Variants in HNF4A observed in about 807,000 individuals in gnomAD.
HNF4A encodes hepatocyte nuclear factor 4-alpha.
In HNF4A, 15 loss-of-function variants were observed where a neutral mutation model predicts 52.4. The ratio of observed to expected loss-of-function variants is 0.29; its 90% CI spans 0.19 to 0.44. The LOEUF (loss-of-function observed/expected upper bound fraction) is 0.44, where lower values mean the gene tolerates loss of function less well. HNF4A is among the 20% of genes least tolerant of loss of function. The probability of loss-of-function intolerance (pLI) is 1.00; values close to 1 mark genes in which losing one functional copy is unlikely to be tolerated. For synonymous variants in HNF4A, 280 were observed against 264.4 expected, an observed-to-expected ratio of 1.06 and a Z score of -0.57; for missense variants, 479 against 647.2, an observed-to-expected ratio of 0.74 and a Z score of 2.82.
downstream of HNF4A, chr20:44,433,141 A>G (rs1255831818): frequency 6.6e-6 from 1 of 152,092 alleles, no homozygotes; most frequent in African/African-American, 2.4e-5. Flanking sequence ...CCAAGTACTT[A>G]GTATATCGAG....
At chr20:44,365,450 G>A (rs967441211) in intron 1 of HNF4A, among the ~76,000 whole-genome samples, 4 of 151,960 alleles carry the variant, frequency 2.6e-5, no homozygotes, top group Non-Finnish European at 4.4e-5. Context: ...GATTACAGGT[G>A]TGAGCTACTG....
intron 1 of HNF4A, among the ~76,000 whole-genome samples, chr20:44,364,153 C>T (rs934110409): frequency 6.6e-6 from 1 of 152,154 alleles, no homozygotes; most frequent in Non-Finnish European, 1.5e-5. Flanking sequence ...AGCCTCTCCC[C>T]ACCCTTCAAC....
intron 1 of HNF4A, among the ~76,000 whole-genome samples, chr20:44,364,883 C>A (rs2146176093): frequency 6.6e-6 from 1 of 152,280 alleles, no homozygotes; most frequent in South Asian, 2.1e-4. Flanking sequence ...TCCAGGGACC[C>A]CTAAGGTCAC....
intron 1 of HNF4A, among the ~76,000 whole-genome samples, chr20:44,388,838 T>G (rs2063266846): frequency 6.6e-6 from 1 of 152,188 alleles, no homozygotes; most frequent in African/African-American, 2.4e-5. Flanking sequence ...GCAAAGGGTG[T>G]CAGGGCTCCC....
chr20:44,360,706 G>A (rs2062907606), intron 1 of HNF4A, among the ~76,000 whole-genome samples: 1 of 152,184 alleles, frequency 6.6e-6, no homozygotes, highest in South Asian at 2.1e-4. Context: ...CTGTTTTTAA[G>A]TGCCAGGTGA....
At chr20:44,392,080 A>T (rs926862246) in intron 1 of HNF4A, 2 of 152,148 alleles carry the variant, frequency 1.3e-5, no homozygotes, top group Non-Finnish European at 2.9e-5. Flanking sequence ...GCAACAGAGG[A>T]GGCCTGTCTT....
intron 1 of HNF4A, among the ~76,000 whole-genome samples, chr20:44,360,801 C>G (rs1640662183): frequency 6.6e-6 from 1 of 152,190 alleles, no homozygotes; most frequent in Non-Finnish European, 1.5e-5. Context: ...TTGTCGGAGA[C>G]AGTTTGGTGA....
At chr20:44,379,865 C>A (rs1172983218) in intron 1 of HNF4A, among the ~76,000 whole-genome samples, 2 of 151,682 alleles carry the variant, frequency 1.3e-5, no homozygotes, top group Admixed American at 1.3e-4. Flanking sequence ...TCCTGAGTAG[C>A]TGGGATTACA....
intron 1 of HNF4A, among the ~76,000 whole-genome samples, chr20:44,385,113 C>A (rs996776454): frequency 5.0e-5 from 5 of 99,498 alleles, no homozygotes; most frequent in Non-Finnish European, 9.5e-5. Context: ...GGAGATGAGG[C>A]AATTTGGGCT....
chr20:44,387,660 G>C (rs1182890147), intron 1 of HNF4A, among the ~76,000 whole-genome samples: 14 of 96,424 alleles, frequency 1.5e-4, no homozygotes, highest in East Asian at 3.0e-4. Flanking sequence ...GCAGGCGGGG[G>C]GGGGGGGAGG....
rs535952176 is a variant in HNF4A at position 44,362,610 on chromosome 20, C to G, written c.49+6757C>G. 3.3e-5 allele frequency among the ~76,000 whole-genome samples: 5 copies of G among 152,132 alleles called. No individual in the cohort carries two copies. In the East Asian group the frequency reaches 7.7e-4, roughly 24 times the overall value. On this transcript the variant is annotated intron_variant, in intron 1 of 9. Coordinates refer to the HNF4A transcript ENST00000316673. ...TTTGATATGTTTTCTCCCTTTTAAG[C>G]CTTGCAATAACCCATCCAAGTAGGA...
intron 7 of HNF4A, among the ~76,000 whole-genome samples, chr20:44,423,379 A>G (rs2063773723): frequency 6.6e-6 from 1 of 152,182 alleles, no homozygotes; most frequent in Non-Finnish European, 1.5e-5. Flanking sequence ...CCAAACTCAC[A>G]GTTGGATGGC....
chr20:44,409,485 G>A (rs2063550486), intron 3 of HNF4A, among the ~76,000 whole-genome samples: 2 of 152,168 alleles, frequency 1.3e-5, no homozygotes, highest in Admixed American at 6.5e-5. Flanking sequence ...CATCCAGAGG[G>A]CACTGTGTTT....
At chr20:44,426,597 A>T (rs1407430903) in intron 8 of HNF4A, among the ~76,000 whole-genome samples, 2 of 152,064 alleles carry the variant, frequency 1.3e-5, no homozygotes, top group Admixed American at 6.6e-5. Context: ...TGAGGCTAGG[A>T]GTTCAAGACC....
chr20:44,425,961 C>T (rs1020915501), intron 8 of HNF4A, among the ~76,000 whole-genome samples: 19 of 152,248 alleles, frequency 1.2e-4, no homozygotes, highest in Admixed American at 5.2e-4. Flanking sequence ...TGCCCAGCCT[C>T]ATTGTGGACT....
chr20:44,427,623 T>C (rs1318059196), intron 8 of HNF4A, among the ~76,000 whole-genome samples: 3 of 152,222 alleles, frequency 2.0e-5, no homozygotes, highest in African/African-American at 7.2e-5. Context: ...GTTACTGTGT[T>C]CCAGACAATC....
At chr20:44,380,478 G>A (rs959900550) in intron 1 of HNF4A, among the ~76,000 whole-genome samples, 2 of 151,988 alleles carry the variant, frequency 1.3e-5, no homozygotes, top group Non-Finnish European at 2.9e-5. Flanking sequence ...TTTTTCTGTA[G>A]AGACAAAGTT....
intron 1 of HNF4A, among the ~76,000 whole-genome samples, chr20:44,368,160 A>ATATATATTT (rs1200638153): frequency 3.6e-5 from 1 of 27,776 alleles, no homozygotes; most frequent in African/African-American, 1.5e-4. Flanking sequence ...ATATATATAT[A>ATATATATTT]TTTTTTTTTT....
chr20:44,364,307 C>T lies in HNF4A; in HGVS notation c.49+8454C>T, dbSNP rs188472441. ...TCCTCCCGCCTCAGCCTCCCAGCCC[C>T]TGGGATTACCTGCTCATGCCACTGC... On this transcript the variant is annotated intron_variant, in intron 1 of 9. Transcript: ENST00000316673. Among the ~76,000 whole-genome samples the T allele has an allele frequency of 4.1e-3, 629 of 152,234 alleles. 8 individuals carry two copies. The highest frequency in any genetic ancestry group is 6.1e-3 in the Non-Finnish European group (416 of 67,992).
Sources: gnomAD v4.1 joint callset for allele counts (sites outside exome capture counted in the v4.1 genomes callset) on GRCh38, gnomAD v4.1.1 for gene constraint, MANE v1.5 for transcripts, NCBI Gene and HGNC (gene_info 2026-07-23, HGNC 2026-07-21) for gene names.